SOX5: variants seen among roughly 807,000 people sequenced by gnomAD.
The protein encoded by SOX5 is SRY-box transcription factor 5.
Under a neutral mutation model 92.0 loss-of-function variants are expected in SOX5, and 9 were observed. That is an observed-to-expected ratio of 0.10 (90% confidence interval 0.06 to 0.17). The LOEUF (loss-of-function observed/expected upper bound fraction) is 0.17. Ranked by LOEUF, SOX5 falls within the 10% of genes least tolerant of loss-of-function variation. The probability of loss-of-function intolerance (pLI) is 1.00; values close to 1 mark genes in which losing one functional copy is unlikely to be tolerated. For synonymous variants in SOX5, 344 were observed against 336.3 expected, an observed-to-expected ratio of 1.02 and a Z score of -0.25; for missense variants, 642 against 944.5, an observed-to-expected ratio of 0.68 and a Z score of 4.20.
At chr12:23,592,633 T>A (rs1035955139) in intron 9 of SOX5, among the ~76,000 whole-genome samples, 1 of 152,236 alleles carries the variant, frequency 6.6e-6, no homozygotes, top group Admixed American at 6.5e-5. Flanking sequence ...AGCAGTCTGA[T>A]AATCAGTTTC....
At chr12:24,112,299 A>G (rs547686969) in intron 4 of SOX5, among the ~76,000 whole-genome samples, 2 of 152,280 alleles carry the variant, frequency 1.3e-5, no homozygotes, top group African/African-American at 2.4e-5. Context: ...TTTTATGGAA[A>G]CATAGCCATG....
chr12:24,361,137 G>A (rs1955510039), intron 2 of SOX5, among the ~76,000 whole-genome samples: 1 of 152,100 alleles, frequency 6.6e-6, no homozygotes, highest in African/African-American at 2.4e-5. Flanking sequence ...ATGCAGTTTT[G>A]ACTGGCTCTC....
intron 1 of SOX5, among the ~76,000 whole-genome samples, chr12:24,478,024 C>T (rs1945582266): frequency 6.6e-6 from 1 of 152,022 alleles, no homozygotes; most frequent in Admixed American, 6.6e-5. Flanking sequence ...GAAGCTGAAA[C>T]CCCTCAAAAT....
At chr12:24,156,539 T>C (rs1952190883) in intron 4 of SOX5, among the ~76,000 whole-genome samples, 1 of 152,180 alleles carries the variant, frequency 6.6e-6, no homozygotes, top group African/African-American at 2.4e-5. Context: ...TTCCAGAACT[T>C]ACAACAGATA....
intron 4 of SOX5, among the ~76,000 whole-genome samples, chr12:24,097,491 A>AC (rs977789579): frequency 4.7e-5 from 6 of 127,442 alleles, no homozygotes; most frequent in African/African-American, 1.8e-4. Context: ...ATAATTTTAC[A>AC]GGTTTTTTTT....
chr12:23,734,922 T>C (rs2093531000), intron 5 of SOX5, among the ~76,000 whole-genome samples, 170 bp from the exon 6 acceptor site: 1 of 152,230 alleles, frequency 6.6e-6, no homozygotes. Context: ...TCAAGGAAGA[T>C]ATTTAGTCTT....
At chr12:23,700,928 T>C (rs1199045617) in intron 6 of SOX5, among the ~76,000 whole-genome samples, 5 of 151,734 alleles carry the variant, frequency 3.3e-5, no homozygotes, top group African/African-American at 1.2e-4. Flanking sequence ...TATACACATA[T>C]ACATATATAC....
intron 9 of SOX5, among the ~76,000 whole-genome samples, chr12:23,598,637 G>C (rs1952896562): frequency 6.6e-6 from 1 of 152,056 alleles, no homozygotes; most frequent in Admixed American, 6.6e-5. Context: ...CTGACCTCAT[G>C]ATCCATCCAC....
chr12:23,979,911 G>GACAGACAGACAGACA (rs1569372459), intron 4 of SOX5, among the ~76,000 whole-genome samples: 8 of 119,476 alleles, frequency 6.7e-5, no homozygotes, highest in African/African-American at 1.6e-4. Flanking sequence ...CTGGCTGGCT[G>GACAGACAGACAGACA]GCCAGACAGA....
intron 4 of SOX5, among the ~76,000 whole-genome samples, chr12:24,011,497 T>C (rs4396375): frequency 0.95 from 144,052 of 152,286 alleles, 68,627 homozygotes; most frequent in South Asian, 1. Flanking sequence ...CTTTTTACTT[T>C]CCCAAAAGAA....
intron 3 of SOX5, among the ~76,000 whole-genome samples, chr12:23,773,979 C>G (rs1000317210): frequency 1.3e-5 from 2 of 149,258 alleles, no homozygotes; most frequent in East Asian, 3.9e-4. Flanking sequence ...TATTGACAAG[C>G]AGATGTAGGC....
chr12:23,555,891 C>CTTTT (rs1565781862), intron 11 of SOX5, among the ~76,000 whole-genome samples: 1 of 152,080 alleles, frequency 6.6e-6, no homozygotes, highest in African/African-American at 2.4e-5. Context: ...AGAAGAAAAC[C>CTTTT]ATCTAGAACA....
chr12:23,958,928 A>G (rs943043701), intron 4 of SOX5, among the ~76,000 whole-genome samples: 1 of 151,866 alleles, frequency 6.6e-6, no homozygotes, highest in Non-Finnish European at 1.5e-5. Context: ...ACACCTAGTC[A>G]TTAGAGATAA....
rs144914316 is a variant in SOX5 at position 24,320,849 on chromosome 12, A to T, written c.-173-43537T>A. Among the ~76,000 whole-genome samples, 706 of 146,784 alleles carry T rather than the reference A, an allele frequency of 4.8e-3. 3 individuals are homozygous for T. The highest frequency in any genetic ancestry group is 0.018 in the African/African-American group (674 of 38,322). On this transcript the variant is annotated intron_variant, in intron 2 of 4. Coordinates refer to the SOX5 transcript ENST00000446891. ...CACTACACTCCAGCCTGGGCGACAG[A>T]GCAAGACTCTGTCTCAAAAAAAAAT...
At position 24,298,227 on chromosome 12, in the gene SOX5, G is replaced by A. The variant is rs1460106995; in HGVS notation, c.-173-20915C>T. Among the ~76,000 whole-genome samples, 3 of 151,950 alleles carry A rather than the reference G, an allele frequency of 2.0e-5. No homozygotes were observed. The East Asian group carries it at 5.8e-4, about 29-fold the overall frequency. ...GACCACAAGCACGCACCACCACCAC[G>A]TCCAGCTAATTTTTGTGTTTTCTGT... On this transcript the variant is annotated intron_variant, in intron 2 of 4. Transcript: ENST00000446891.
intron 4 of SOX5, among the ~76,000 whole-genome samples, chr12:24,201,191 T>C (rs930251041): frequency 1.4e-4 from 21 of 152,218 alleles, no homozygotes; most frequent in Admixed American, 1.4e-3. Flanking sequence ...GCTTCTTATA[T>C]GTACTGTAAG....
chr12:24,263,660 G>A (rs949923496), intron 3 of SOX5, among the ~76,000 whole-genome samples: 5 of 151,450 alleles, frequency 3.3e-5, no homozygotes, highest in Non-Finnish European at 7.4e-5. Context: ...TAAGCATATC[G>A]TTAAAATAAA....
intron 2 of SOX5, among the ~76,000 whole-genome samples, chr12:24,306,945 G>A (rs1004460774): frequency 2.0e-5 from 3 of 152,064 alleles, no homozygotes; most frequent in African/African-American, 7.2e-5. Context: ...ATCACCTTCT[G>A]CCAAGGACCA....
intron 4 of SOX5, among the ~76,000 whole-genome samples, chr12:24,034,138 AGATT>A (rs756094498): frequency 1.3e-5 from 2 of 152,076 alleles, no homozygotes; most frequent in Non-Finnish European, 2.9e-5. Context: ...CATCTCCAAC[AGATT>A]GATTGTCACC....
Sources: gnomAD v4.1 joint callset for allele counts (sites outside exome capture counted in the v4.1 genomes callset) on GRCh38, gnomAD v4.1.1 for gene constraint, MANE v1.5 for transcripts, NCBI Gene and HGNC (gene_info 2026-07-23, HGNC 2026-07-21) for gene names.